ASH1L: variants seen among roughly 807,000 people sequenced by gnomAD.
The protein encoded by ASH1L is histone-lysine N-methyltransferase ASH1L.
Under a neutral mutation model 269.0 loss-of-function variants are expected in ASH1L, and 23 were observed. The observed-to-expected ratio is 0.09, with a 90% confidence interval of 0.06 to 0.12. The LOEUF (loss-of-function observed/expected upper bound fraction) is 0.12. ASH1L is among the 10% of genes least tolerant of loss of function. The pLI, the probability that ASH1L is intolerant of heterozygous loss-of-function variation, is 1.00. For synonymous variants in ASH1L, 1,187 were observed against 1,253.5 expected (o/e 0.95, Z 1.12); for missense variants, 2,912 against 3,567.8 (o/e 0.82, Z 4.68).
rs1001745606 is a variant in ASH1L at position 155,336,970 on chromosome 1, C to T, written c.*690G>A. ...GTTTGACAGGTTATGAAGGGTAAAA[C>T]AAAAATAATTGCAAGAACTACCGTG... is the stretch of plus-strand genomic sequence containing the variant. On this transcript the variant is annotated 3_prime_UTR_variant, in exon 28 of 28. Transcript: ENST00000392403. The T allele has an allele frequency of 1.3e-5, 2 of 152,306 alleles. No individual in the cohort carries two copies. The highest frequency in any genetic ancestry group is 6.5e-5 in the Admixed American group (1 of 15,272). 9.4% of individuals were successfully genotyped at this position (152,306 alleles called of 1,614,324 possible). A position where few individuals can be genotyped will look rare whatever the true frequency, so the allele number is the denominator to read the frequency against.
intron 5 of ASH1L, among the ~76,000 whole-genome samples, chr1:155,423,536 T>G (rs1660891079): frequency 6.6e-6 from 1 of 151,904 alleles, no homozygotes; most frequent in South Asian, 2.1e-4. Context: ...GCCACCGCAC[T>G]CCAGCCTGGC....
At chr1:155,517,676 A>T (rs977006359) in intron 2 of ASH1L, among the ~76,000 whole-genome samples, 7 of 151,410 alleles carry the variant, frequency 4.6e-5, no homozygotes, top group Non-Finnish European at 7.4e-5. Context: ...CAAACAACTT[A>T]CTACAAAGCT....
chr1:155,554,072 G>A (rs919014991), intron 1 of ASH1L, among the ~76,000 whole-genome samples: 4 of 149,638 alleles, frequency 2.7e-5, no homozygotes, highest in African/African-American at 7.4e-5. Flanking sequence ...AAGCCACTGC[G>A]CCCGGCCCGA....
chr1:155,481,636 G>A lies in ASH1L; in HGVS notation c.1234C>T (p.Pro412Ser), dbSNP rs370375387. The change falls in exon 3 of 28, where the codon CCT (proline) becomes TCT (serine). Residue 412 changes from proline to serine, a missense_variant. By Grantham distance (74) the Pro-to-Ser change is moderately conservative. Coordinates refer to ENST00000392403, the MANE Select transcript of ASH1L (RefSeq NM_018489.3). ...TCTTTACTGATCAGACCTGCCAAAG[G>A]ACAACTCATTAGTTTCTTTCCAATG... The part of the protein sequence containing the change: ...KDIGKKLMSC[P>S]LAGLISKDAI... 6 of 1,613,946 alleles carry A rather than the reference G, an allele frequency of 3.7e-6. No individual in the cohort carries two copies. The highest frequency in any genetic ancestry group is 5.1e-6 in the Non-Finnish European group (6 of 1,180,026).
At chr1:155,401,246 G>A (rs1164685666) in intron 6 of ASH1L, among the ~76,000 whole-genome samples, 1 of 151,996 alleles carries the variant, frequency 6.6e-6, no homozygotes, top group Non-Finnish European at 1.5e-5. Context: ...GGAGGCCAAG[G>A]CAGGCGGATC....
chr1:155,473,492 ATTTTT>A (rs774259211), intron 3 of ASH1L, among the ~76,000 whole-genome samples: 2 of 127,744 alleles, frequency 1.6e-5, no homozygotes, highest in African/African-American at 5.8e-5. Flanking sequence ...TAGTATTTCT[ATTTTT>A]TTTTTTTTTT....
chr1:155,552,665 C>T (rs1055925981), intron 1 of ASH1L, among the ~76,000 whole-genome samples: 6 of 151,618 alleles, frequency 4.0e-5, no homozygotes, highest in Non-Finnish European at 7.4e-5. Context: ...AAGCCAAACA[C>T]GAAAACCTAG....
chr1:155,353,651 A>G (rs1282518722), intron 16 of ASH1L, among the ~76,000 whole-genome samples: 1 of 152,180 alleles, frequency 6.6e-6, no homozygotes, highest in East Asian at 1.9e-4. Flanking sequence ...AGGAAATCTG[A>G]TGGTTTGTGA....
chr1:155,533,293 C>T (rs1287071430), intron 1 of ASH1L, among the ~76,000 whole-genome samples: 1 of 151,958 alleles, frequency 6.6e-6, no homozygotes, highest in Non-Finnish European at 1.5e-5. Flanking sequence ...TTAAGGCTCA[C>T]AATCAGCATG....
chr1:155,544,380 G>A (rs1159739612), intron 1 of ASH1L, among the ~76,000 whole-genome samples: 1 of 151,100 alleles, frequency 6.6e-6, no homozygotes, highest in African/African-American at 2.4e-5. Flanking sequence ...TCTGCCTCCC[G>A]GGTTCATGCC....
At chr1:155,405,202 CA>C (rs1659170339) in intron 6 of ASH1L, among the ~76,000 whole-genome samples, 1 of 150,938 alleles carries the variant, frequency 6.6e-6, no homozygotes, top group Non-Finnish European at 1.5e-5. Flanking sequence ...GTTTTGAGGC[CA>C]GGGGCAGTGA....
chr1:155,429,986 T>C (rs993088302), intron 5 of ASH1L, among the ~76,000 whole-genome samples: 1 of 151,786 alleles, frequency 6.6e-6, no homozygotes, highest in African/African-American at 2.4e-5. Context: ...TTAAGTTTTT[T>C]TTTTTTTGAG....
chr1:155,543,509 CAAAAAAAAA>C (rs34813767), intron 1 of ASH1L, among the ~76,000 whole-genome samples: 1 of 57,456 alleles, frequency 1.7e-5, no homozygotes, highest in Non-Finnish European at 3.3e-5. Context: ...GACTCTGTCT[CAAAAAAAAA>C]AAAAAAAAAA....
chr1:155,435,919 T>C (rs111344338), intron 5 of ASH1L, among the ~76,000 whole-genome samples: 7,950 of 152,130 alleles, frequency 0.052, 701 homozygotes, highest in African/African-American at 0.18. Flanking sequence ...GGCATGGTGG[T>C]GCGCACCTGT....
chr1:155,531,702 G>T (rs747176099), intron 1 of ASH1L, among the ~76,000 whole-genome samples: 4 of 152,060 alleles, frequency 2.6e-5, no homozygotes, highest in Non-Finnish European at 5.9e-5. Flanking sequence ...CATGATCAAG[G>T]AGAAAAACGA....
intron 1 of ASH1L, among the ~76,000 whole-genome samples, chr1:155,527,981 A>G (rs59445713): frequency 0.012 from 1,775 of 151,966 alleles, 35 homozygotes; most frequent in African/African-American, 0.041. Flanking sequence ...TTCTATCTAC[A>G]CTCAGTTCCC....
chr1:155,368,617 C>T (rs567889906), intron 12 of ASH1L, among the ~76,000 whole-genome samples: 6 of 151,872 alleles, frequency 4.0e-5, no homozygotes, highest in African/African-American at 1.2e-4. Context: ...CCACCACGCC[C>T]GGCTAATTTT....
chr1:155,385,819 C>T (rs1366989392), intron 7 of ASH1L, among the ~76,000 whole-genome samples: 1 of 152,162 alleles, frequency 6.6e-6, no homozygotes, highest in Non-Finnish European at 1.5e-5. Context: ...AAGTTGCCTA[C>T]TAGGCCTCCA....
At chr1:155,497,688 G>A (rs1362026938) in intron 2 of ASH1L, among the ~76,000 whole-genome samples, 1 of 151,862 alleles carries the variant, frequency 6.6e-6, no homozygotes, top group Admixed American at 6.6e-5. Context: ...CATAACTTCA[G>A]CATTGTTAAA....
Sources: allele counts gnomAD v4.1 joint callset (sites outside exome capture counted in the v4.1 genomes callset), GRCh38; gene constraint gnomAD v4.1.1; transcripts MANE v1.5; gene names NCBI Gene and HGNC (gene_info 2026-07-23, HGNC 2026-07-21).